MAP3K15: variants seen among roughly 807,000 people sequenced by gnomAD.
MAP3K15 encodes MAPK/ERK kinase kinase 15.
MAP3K15 carries 124 observed loss-of-function variants against 99.5 expected under a neutral mutation model. That is an observed-to-expected ratio of 1.25 (90% CI 1.08 to 1.45). The LOEUF (loss-of-function observed/expected upper bound fraction) is 1.45, where lower values mean the gene tolerates loss of function less well. Among genes scored for constraint, MAP3K15 ranks in the 40% most tolerant of loss-of-function variants. The pLI is 0.00. For missense variants in MAP3K15, 1,242 were observed against 1,079.7 expected, an observed-to-expected ratio of 1.15 and a Z score of -2.11; for synonymous variants, 494 against 439.6, an observed-to-expected ratio of 1.12 and a Z score of -1.55.
chrX:19,511,829 A>C (rs972646768), intron 1 of MAP3K15, among the ~76,000 whole-genome samples: 2 of 112,039 alleles, frequency 1.8e-5, no homozygotes, highest in African/African-American at 6.5e-5. Flanking sequence ...TATATACCCA[A>C]AGGATTATAA....
At chrX:19,489,005 G>GAAGTAGACAGATC in intron 1 of MAP3K15, 38 bp from the exon 2 acceptor site, 1 of 1,169,905 alleles carries the variant, frequency 8.5e-7, no homozygotes, top group Non-Finnish European at 1.1e-6. Context: ...TAGGGGAGAT[G>GAAGTAGACAGATC]ATCTGTCTAC....
intron 3 of MAP3K15, among the ~76,000 whole-genome samples, chrX:19,468,016 A>G (rs755046085): frequency 9.0e-6 from 1 of 111,343 alleles, no homozygotes; most frequent in East Asian, 2.8e-4. Flanking sequence ...AGAGAAACAG[A>G]CTGCTGTTTC....
At position 19,460,726 on chromosome X, in the gene MAP3K15, T is replaced by C. The variant is rs895510770; in HGVS notation, c.720-573A>G. On this transcript the variant is annotated intron_variant, in intron 4 of 28. Coordinates refer to ENST00000338883, the MANE Select transcript of MAP3K15 (RefSeq NM_001001671.4). The stretch of plus-strand genomic sequence containing the variant: ...AGACAGCCTTGCTCTCCTCACCATA[T>C]TGAATGGCCAGATGTTCTGTTTTTT... Among the ~76,000 whole-genome samples, 13 of 11,955 alleles carry C rather than the reference T, an allele frequency of 1.1e-3. No homozygotes were observed. In the East Asian group the frequency reaches 0.11, roughly 102 times the overall value. 10.4% of individuals were successfully genotyped at this position (11,955 alleles called of 115,157 possible).
In MAP3K15 at chrX:19,515,004, G is replaced by A; in HGVS notation, c.258C>T (p.Cys86=). The stretch of plus-strand genomic sequence containing the variant: ...CCTCGGCCTCGCAGGCCCGCAGCAG[G>A]CACTGCCGCGCCCCAGCCTCCGGGC... ...AGGPEAGARQ[C]LLRACEAEGA... The change falls in exon 1 of 29, where the codon TGC becomes TGT. Residue 86 remains cysteine, a synonymous_variant. Transcript: ENST00000338883. 1.8e-6 allele frequency: 2 copies of A among 1,101,765 alleles called. No individual in the cohort carries two copies. Among genetic ancestry groups the A allele is most frequent in the Non-Finnish European group, 2.4e-6 (2 of 844,979 alleles). 90.8% of individuals were successfully genotyped at this position (1,101,765 alleles called of 1,213,427 possible). A position where few individuals can be genotyped will look rare whatever the true frequency, so the allele number is the denominator to read the frequency against.
At chrX:19,365,460 C>T (rs910020789) in intron 25 of MAP3K15, among the ~76,000 whole-genome samples, 1 of 112,175 alleles carries the variant, frequency 8.9e-6, no homozygotes, top group African/African-American at 3.2e-5. Flanking sequence ...GGACAATTTC[C>T]CCTGGATCTT....
chrX:19,492,184 A>T (rs1337396232), intron 1 of MAP3K15, among the ~76,000 whole-genome samples: 2 of 109,941 alleles, frequency 1.8e-5, no homozygotes, highest in African/African-American at 3.3e-5. Flanking sequence ...ACAGAATAGT[A>T]TAATGAAATC....
At chrX:19,410,102 A>G in intron 11 of MAP3K15, 129 bp from the exon 12 acceptor site, 1 of 469,745 alleles carries the variant, frequency 2.1e-6, no homozygotes, top group Non-Finnish European at 3.7e-6. Context: ...GGGTTACAGC[A>G]ATACACCTTG....
At chrX:19,362,301 G>A (rs1010656013) in intron 26 of MAP3K15, among the ~76,000 whole-genome samples, 3 of 100,126 alleles carry the variant, frequency 3.0e-5, no homozygotes, top group Non-Finnish European at 4.0e-5. Flanking sequence ...GCATGACCTC[G>A]GCTCACTGCA....
intron 14 of MAP3K15, among the ~76,000 whole-genome samples, chrX:19,399,329 G>A (rs910954226): frequency 1.7e-4 from 19 of 111,320 alleles, no homozygotes; most frequent in Admixed American, 2.9e-4. Context: ...TTGGGAGGCC[G>A]AGGCGAGTAG....
At chrX:19,503,626 C>T (rs1027274140) in intron 1 of MAP3K15, among the ~76,000 whole-genome samples, 1 of 110,046 alleles carries the variant, frequency 9.1e-6, no homozygotes, top group East Asian at 2.9e-4. Flanking sequence ...AGGGTTTCAC[C>T]GTGTTGGCCA....
At chrX:19,488,369 T>C (rs1285068049) in intron 2 of MAP3K15, among the ~76,000 whole-genome samples, 1 of 112,209 alleles carries the variant, frequency 8.9e-6, no homozygotes, top group Non-Finnish European at 1.9e-5. Context: ...CAAAGACTAA[T>C]TGTGTCTATA....
chrX:19,404,615 A>G (rs778608610), intron 13 of MAP3K15, among the ~76,000 whole-genome samples: 1 of 112,345 alleles, frequency 8.9e-6, no homozygotes, highest in Non-Finnish European at 1.9e-5. Context: ...ACAAAGCTAC[A>G]GTAATAGAGA....
rs753152404 is a variant in MAP3K15 at position 19,447,883 on chromosome X, C to CAAAA, written c.995+9026_995+9029dup. On this transcript the variant is annotated intron_variant, in intron 6 of 28. Transcript: ENST00000338883. ...TGGGCGACAGAGCGAGACTCCGTCT[C>CAAAA]AAAAAAAAAAAAAAAAAAAAAAGAA... Among the ~76,000 whole-genome samples the CAAAA allele has an allele frequency of 7.7e-5, 2 of 25,964 alleles. 1 individual carries two copies. The highest frequency in any genetic ancestry group is 1.4e-4 in the Non-Finnish European group (2 of 14,440). The allele number at this position is 25,964 out of a possible 115,157, so 22.5% of individuals were successfully genotyped here. A position where few individuals can be genotyped will look rare whatever the true frequency, so the allele number is the denominator to read the frequency against.
chrX:19,406,978 G>A (rs2063653053), intron 13 of MAP3K15, among the ~76,000 whole-genome samples: 1 of 112,452 alleles, frequency 8.9e-6, no homozygotes, highest in Non-Finnish European at 1.9e-5. Context: ...TGAGATTACA[G>A]GCGTGAGCTA....
chrX:19,372,642 C>T lies in MAP3K15; in HGVS notation c.3108+11G>A, dbSNP rs748119633. 21 of 1,190,614 alleles carry T rather than the reference C, an allele frequency of 1.8e-5. No individual in the cohort carries two copies. Among genetic ancestry groups the T allele is most frequent in the African/African-American group, 7.1e-5 (4 of 56,677 alleles). ...AGCGGGAAGAGTCGGTGCCCTCCCT[C>T]GGGCAAATACCTGGGCCACACACTC... On this transcript the variant is annotated intron_variant, in intron 22 of 28. Transcript: ENST00000338883.
chrX:19,497,893 T>A (rs1052354050), intron 1 of MAP3K15, among the ~76,000 whole-genome samples: 24 of 111,710 alleles, frequency 2.1e-4, no homozygotes, highest in African/African-American at 7.2e-4. Context: ...GGGGTTAGGA[T>A]GCAATCTTCA....
chrX:19,467,052 C>G (rs1211248806), intron 3 of MAP3K15, among the ~76,000 whole-genome samples: 1 of 111,194 alleles, frequency 9.0e-6, no homozygotes. Flanking sequence ...ACATGTGGCC[C>G]AAACAATTCT....
At chrX:19,490,180 C>CACACACACACACACAT (rs1478553894) in intron 1 of MAP3K15, among the ~76,000 whole-genome samples, 3 of 95,105 alleles carry the variant, frequency 3.2e-5, no homozygotes, top group African/African-American at 7.4e-5. Flanking sequence ...CACACACACA[C>CACACACACACACACAT]ACACATACAT....
chrX:19,420,133 A>G (rs2063770729), intron 9 of MAP3K15, among the ~76,000 whole-genome samples: 1 of 111,900 alleles, frequency 8.9e-6, no homozygotes, highest in Admixed American at 9.5e-5. Context: ...CAAGAACTAG[A>G]GAAGCAAGAG....
Sources: allele counts gnomAD v4.1 joint callset (sites outside exome capture counted in the v4.1 genomes callset), GRCh38; gene constraint gnomAD v4.1.1; transcripts MANE v1.5; gene names NCBI Gene and HGNC (gene_info 2026-07-23, HGNC 2026-07-21).